The following STAG1 variants were observed in gnomAD, a reference collection of about 807,000 sequenced individuals.
STAG1 encodes the protein STAG1 cohesin complex component.
STAG1 carries 26 observed loss-of-function variants against 170.9 expected under a neutral mutation model. That is an observed-to-expected ratio of 0.15 (90% CI 0.11 to 0.21). The LOEUF is 0.21. STAG1 is among the 10% of genes least tolerant of loss of function. STAG1 has a pLI of 1.00. For missense variants in STAG1, 964 were observed against 1,509.5 expected (o/e 0.64, Z 5.99); for synonymous variants, 514 against 497.7 (o/e 1.03, Z -0.44).
intron 1 of STAG1, among the ~76,000 whole-genome samples, chr3:136,680,714 CAAGATA>C (rs1169851082): frequency 1.3e-5 from 2 of 151,274 alleles, no homozygotes; most frequent in Non-Finnish European, 2.9e-5. Context: ...TTACACATAA[CAAGATA>C]AAGAAACCTA....
chr3:136,462,256 A>G (rs1446503841), intron 13 of STAG1, among the ~76,000 whole-genome samples: 1 of 152,222 alleles, frequency 6.6e-6, no homozygotes, highest in Non-Finnish European at 1.5e-5. Flanking sequence ...TGTTTACTAC[A>G]GCACTATTCA....
intron 4 of STAG1, among the ~76,000 whole-genome samples, chr3:136,598,051 G>A (rs1938507347): frequency 6.6e-6 from 1 of 151,834 alleles, no homozygotes; most frequent in Non-Finnish European, 1.5e-5. Flanking sequence ...GGTAAGTATA[G>A]GCTTTTTTCT....
At chr3:136,678,066 G>C (rs1295520551) in intron 1 of STAG1, among the ~76,000 whole-genome samples, 2 of 149,454 alleles carry the variant, frequency 1.3e-5, no homozygotes, top group Non-Finnish European at 3.0e-5. Context: ...CTTAGTGAAG[G>C]GCATAAACTT....
At chr3:136,395,695 T>G (rs1220391554) in intron 22 of STAG1, among the ~76,000 whole-genome samples, 1 of 152,166 alleles carries the variant, frequency 6.6e-6, no homozygotes, top group East Asian at 1.9e-4. Context: ...TTATGCTGAA[T>G]TTTTACGGAA....
At chr3:136,736,770 C>G in intron 1 of STAG1, 2 of 1,599,920 alleles carry the variant, frequency 1.3e-6, no homozygotes, top group Non-Finnish European at 1.7e-6. Context: ...TGTTTATATA[C>G]AGCTTGTTTG....
intron 6 of STAG1, among the ~76,000 whole-genome samples, chr3:136,523,791 C>T (rs1335642276): frequency 6.6e-6 from 1 of 152,090 alleles, no homozygotes. Flanking sequence ...AGGAAGGGAT[C>T]CAATTTCAGC....
chr3:136,576,305 T>A (rs1176945258), intron 4 of STAG1, among the ~76,000 whole-genome samples: 1 of 152,110 alleles, frequency 6.6e-6, no homozygotes, highest in East Asian at 1.9e-4. Flanking sequence ...CACATACATA[T>A]AAGCATGGGA....
At chr3:136,719,665 AGGTGGGTG>A (rs1358167719) in intron 1 of STAG1, among the ~76,000 whole-genome samples, 1 of 12,812 alleles carries the variant, frequency 7.8e-5, no homozygotes, top group Non-Finnish European at 1.6e-4. Flanking sequence ...GTGGGTGGGT[AGGTGGGTG>A]GGTGGGTGGG....
intron 1 of STAG1, among the ~76,000 whole-genome samples, chr3:136,645,341 C>A (rs1576708796): frequency 1.3e-5 from 2 of 152,216 alleles, no homozygotes; most frequent in African/African-American, 4.8e-5. Flanking sequence ...TGGTGCTAAA[C>A]CTGCTTCCTT....
chr3:136,646,870 C>A (rs1482864744), intron 1 of STAG1, among the ~76,000 whole-genome samples: 2 of 152,022 alleles, frequency 1.3e-5, no homozygotes, highest in African/African-American at 4.8e-5. Context: ...CGAGATCACG[C>A]CACTGCACTC....
At chr3:136,340,741 C>T (rs1935933742) in intron 31 of STAG1, 136 bp from the exon 32 acceptor site, 1 of 599,320 alleles carries the variant, frequency 1.7e-6, no homozygotes, top group Non-Finnish European at 3.0e-6. Flanking sequence ...ACAAATTAGA[C>T]TGAATTCCAA....
intron 5 of STAG1, among the ~76,000 whole-genome samples, chr3:136,554,523 T>C (rs1441163991): frequency 6.6e-6 from 1 of 152,196 alleles, no homozygotes; most frequent in Non-Finnish European, 1.5e-5. Flanking sequence ...CCATTTCCTT[T>C]TGCCTCAAAT....
intron 1 of STAG1, among the ~76,000 whole-genome samples, chr3:136,651,569 C>T (rs1287142792): frequency 6.6e-6 from 1 of 151,846 alleles, no homozygotes; most frequent in African/African-American, 2.4e-5. Context: ...TTGATCTTGG[C>T]TTTAATATTT....
rs552623609 is a variant in STAG1 at position 136,598,343 on chromosome 3, G to A, written c.297+5966C>T. ...ACACATCTATCCAAGTAATGCTTTA[G>A]CTGGCTCCAACATTTTCACTAACAT... On this transcript the variant is annotated intron_variant, in intron 4 of 33. Coordinates refer to ENST00000383202, the MANE Select transcript of STAG1 (RefSeq NM_005862.3). Among the ~76,000 whole-genome samples, 256 of 151,978 alleles carry A rather than the reference G, an allele frequency of 1.7e-3. 1 individual carries two copies. Among genetic ancestry groups the A allele is most frequent in the African/African-American group, 5.2e-3 (215 of 41,474 alleles).
intron 9 of STAG1, among the ~76,000 whole-genome samples, chr3:136,498,233 T>TATATATATATATATATATATAC: frequency 0.011 from 638 of 57,162 alleles, 56 homozygotes; most frequent in East Asian, 0.048. Flanking sequence ...TATATATATA[T>TATATATATATATATATATATAC]ACACATACAT....
At chr3:136,396,209 GTTTTTTT>G (rs1157402968) in intron 22 of STAG1, among the ~76,000 whole-genome samples, 10 of 87,952 alleles carry the variant, frequency 1.1e-4, no homozygotes, top group South Asian at 4.5e-4. Flanking sequence ...GTGTAACACA[GTTTTTTT>G]TTTTTTTTTT....
At chr3:136,489,963 G>A (rs113653114) in intron 9 of STAG1, among the ~76,000 whole-genome samples, 81 of 152,262 alleles carry the variant, frequency 5.3e-4, no homozygotes, top group African/African-American at 1.8e-3. Context: ...CTGAAACTGT[G>A]TTGTTTACAA....
At chr3:136,443,735 G>A (rs2088697540) in intron 14 of STAG1, among the ~76,000 whole-genome samples, 1 of 151,598 alleles carries the variant, frequency 6.6e-6, no homozygotes, top group Non-Finnish European at 1.5e-5. Context: ...ACTCCTTGCG[G>A]TCTCTTCAAC....
intron 1 of STAG1, among the ~76,000 whole-genome samples, chr3:136,637,080 A>G (rs979343010): frequency 1.3e-5 from 2 of 152,172 alleles, no homozygotes; most frequent in Non-Finnish European, 2.9e-5. Context: ...CAAGCAATCT[A>G]TTTTTCTTTC....
Sources: gnomAD v4.1 joint callset for allele counts (sites outside exome capture counted in the v4.1 genomes callset) on GRCh38, gnomAD v4.1.1 for gene constraint, MANE v1.5 for transcripts, NCBI Gene and HGNC (gene_info 2026-07-23, HGNC 2026-07-21) for gene names.